The following RELCH variants were observed in gnomAD, a reference collection of about 807,000 sequenced individuals.
RELCH encodes the protein RAB11 binding and LisH domain, coiled-coil and HEAT repeat containing.
A neutral mutation model predicts 150.3 loss-of-function variants in RELCH; 41 were observed. That is an observed-to-expected ratio of 0.27 (90% CI 0.21 to 0.35). RELCH has a LOEUF of 0.35. Ranked by LOEUF, RELCH falls within the 10% of genes least tolerant of loss-of-function variation. The pLI is 1.00. For synonymous variants in RELCH, 478 were observed against 531.8 expected, an observed-to-expected ratio of 0.90 and a Z score of 1.39; for missense variants, 1,092 against 1,467.8, an observed-to-expected ratio of 0.74 and a Z score of 4.18.
At chr18:62,207,068 A>G (rs1024456530) in intron 1 of RELCH, among the ~76,000 whole-genome samples, 21 of 152,136 alleles carry the variant, frequency 1.4e-4, no homozygotes, top group Non-Finnish European at 2.6e-4. Flanking sequence ...AGAATTGTAC[A>G]ACCATTACCT....
chr18:62,229,936 G>C (rs1442633783), intron 8 of RELCH, among the ~76,000 whole-genome samples: 1 of 152,056 alleles, frequency 6.6e-6, no homozygotes, highest in Non-Finnish European at 1.5e-5. Context: ...ATTCATTTTA[G>C]AGGTTGGGAC....
intron 1 of RELCH, among the ~76,000 whole-genome samples, chr18:62,197,346 G>T (rs2039117938): frequency 6.6e-6 from 1 of 152,170 alleles, no homozygotes; most frequent in Non-Finnish European, 1.5e-5. Flanking sequence ...GTTAGAGCTG[G>T]ATCTTCAAAA....
At chr18:62,241,033 T>A (rs537603737) in intron 10 of RELCH, among the ~76,000 whole-genome samples, 7 of 152,238 alleles carry the variant, frequency 4.6e-5, no homozygotes, top group African/African-American at 1.7e-4. Context: ...TGTGCAAAGC[T>A]ATCACCAGAC....
At chr18:62,285,159 G>A (rs1395990506) in intron 25 of RELCH, among the ~76,000 whole-genome samples, 2 of 151,370 alleles carry the variant, frequency 1.3e-5, no homozygotes, top group Non-Finnish European at 2.9e-5. Flanking sequence ...TGTTTCTGAG[G>A]CAGAGTCTTG....
At chr18:62,280,166 C>T (rs2044429361) in intron 23 of RELCH, among the ~76,000 whole-genome samples, 1 of 152,150 alleles carries the variant, frequency 6.6e-6, no homozygotes, top group Non-Finnish European at 1.5e-5. Flanking sequence ...AAGGGATGCT[C>T]TCCTAATCTC....
intron 19 of RELCH, among the ~76,000 whole-genome samples, chr18:62,267,108 C>G (rs1275676128): frequency 6.6e-6 from 1 of 151,814 alleles, no homozygotes; most frequent in Admixed American, 6.6e-5. Flanking sequence ...TTCTATAATA[C>G]TTTTAAAAAT....
chr18:62,305,280 C>T lies in RELCH; in HGVS notation c.3531-134C>T. On this transcript the variant is annotated intron_variant, in intron 28 of 28. Coordinates refer to ENST00000644646, the MANE Select transcript of RELCH (RefSeq NM_001346231.2). The surrounding 1 kb of genome is among the most constrained non-coding windows in gnomAD (Gnocchi z 4.0). Reference sequence around the variant, plus strand: ...CCTAACCTAGTATGGCATATACAAACTACCCTCCATAAATATTAGTTTCCC... The same window carrying T: ...CCTAACCTAGTATGGCATATACAAATTACCCTCCATAAATATTAGTTTCCC... 1 of 682,790 alleles carries T rather than the reference C, an allele frequency of 1.5e-6. No homozygotes were observed. The highest frequency in any genetic ancestry group is 2.3e-6 in the Non-Finnish European group (1 of 432,716). The allele number at this position is 682,790 out of a possible 1,614,324, so 42.3% of individuals were successfully genotyped here. A position where few individuals can be genotyped will look rare whatever the true frequency, so the allele number is the denominator to read the frequency against.
intron 12 of RELCH, among the ~76,000 whole-genome samples, chr18:62,253,249 G>GATGCGTTT (rs113708423): frequency 6.7e-6 from 1 of 149,604 alleles, no homozygotes; most frequent in Non-Finnish European, 1.5e-5. Flanking sequence ...GAGTATACTT[G>GATGCGTTT]AAGAAACAGC....
chr18:62,265,825 A>G (rs2043529312), intron 18 of RELCH, among the ~76,000 whole-genome samples: 1 of 151,978 alleles, frequency 6.6e-6, no homozygotes, highest in Non-Finnish European at 1.5e-5. Flanking sequence ...ACCTTTTAAC[A>G]TTGGCCTTTC....
At position 62,280,627 on chromosome 18, in the gene RELCH, T is replaced by C; in HGVS notation, c.3051-19T>C. The C allele has an allele frequency of 6.3e-7, 1 of 1,593,924 alleles. No homozygotes were observed. Among genetic ancestry groups the C allele is most frequent in the South Asian group, 1.1e-5 (1 of 90,292 alleles). The stretch of plus-strand genomic sequence containing the variant: ...GTTCATCTCAAATCTTCAGTTTCTT[T>C]CTGTTTTAATTCTAACAGCTCTGTC... On this transcript the variant is annotated intron_variant, in intron 23 of 28. Transcript: ENST00000644646.
chr18:62,260,558 A>G (rs1023828231), intron 15 of RELCH, among the ~76,000 whole-genome samples: 1 of 152,000 alleles, frequency 6.6e-6, no homozygotes, highest in Non-Finnish European at 1.5e-5. Context: ...AAAGAAAGGA[A>G]GTCAGTATAT....
In RELCH at chr18:62,258,758, G is replaced by C. The variant is rs550049301; in HGVS notation, c.2202+82G>C. 12 of 945,110 alleles carry C rather than the reference G, an allele frequency of 1.3e-5. No homozygotes were observed. In the African/African-American group the frequency reaches 2.1e-4, roughly 17 times the overall value. The allele number at this position is 945,110 out of a possible 1,614,324, so 58.5% of individuals were successfully genotyped here. On this transcript the variant is annotated intron_variant, in intron 15 of 28. Coordinates refer to ENST00000644646, the MANE Select transcript of RELCH (RefSeq NM_001346231.2). ...CATCTTGGAACAATGTTAGAGAACA[G>C]AGACAGAAAGTGCCCTTAGCTTAAC...
intron 22 of RELCH, among the ~76,000 whole-genome samples, chr18:62,278,219 C>T (rs1287376767): frequency 6.6e-6 from 1 of 152,044 alleles, no homozygotes; most frequent in Non-Finnish European, 1.5e-5. Flanking sequence ...TTGACAGACT[C>T]AAGATAGCAG....
At chr18:62,252,852 A>T (rs2042792959) in intron 12 of RELCH, 98 bp downstream of exon 12, 6 of 818,086 alleles carry the variant, frequency 7.3e-6, no homozygotes, top group Middle Eastern at 2.3e-4. Context: ...AATATGTGGG[A>T]TATAAATTAT....
chr18:62,222,606 C>T (rs1046890020), intron 5 of RELCH, among the ~76,000 whole-genome samples: 6 of 151,804 alleles, frequency 4.0e-5, no homozygotes, highest in African/African-American at 9.7e-5. Flanking sequence ...TAGTCCTTCT[C>T]GAATAAAAAT....
intron 10 of RELCH, chr18:62,234,968 T>G (rs2041805334): frequency 6.6e-6 from 1 of 151,964 alleles, no homozygotes; most frequent in Non-Finnish European, 1.5e-5. Context: ...TTTTGTTGTG[T>G]TGTTTGTGCT....
In RELCH at chr18:62,308,065, G is replaced by T. The variant is rs954740213; in HGVS notation, c.*2531G>T. 6.6e-6 allele frequency: 1 copy of T among 152,104 alleles called. No homozygotes were observed. The highest frequency in any genetic ancestry group is 1.5e-5 in the Non-Finnish European group (1 of 68,026). The allele number at this position is 152,104 out of a possible 1,614,324, so 9.4% of individuals were successfully genotyped here. A position where few individuals can be genotyped will look rare whatever the true frequency, so the allele number is the denominator to read the frequency against. On this transcript the variant is annotated 3_prime_UTR_variant, in exon 29 of 29. Coordinates refer to ENST00000644646, the MANE Select transcript of RELCH (RefSeq NM_001346231.2). ...CTTTTAGGATATGTCACTACTATAG[G>T]ATATGTCACTACTATACACTATAAT... is the stretch of plus-strand genomic sequence containing the variant.
chr18:62,282,465 T>C, intron 25 of RELCH, 21 bp downstream of exon 25: 1 of 1,603,750 alleles, frequency 6.2e-7, no homozygotes, highest in Admixed American at 1.7e-5. Flanking sequence ...TTTTTCTACC[T>C]TTTTCCTGAA....
At chr18:62,207,724 GT>G (rs1313525176) in intron 1 of RELCH, among the ~76,000 whole-genome samples, 1 of 152,110 alleles carries the variant, frequency 6.6e-6, no homozygotes, top group Non-Finnish European at 1.5e-5. Flanking sequence ...CAATTTGGTG[GT>G]TCTCTGTGCA....
Sources: allele counts gnomAD v4.1 joint callset (sites outside exome capture counted in the v4.1 genomes callset), GRCh38; gene constraint gnomAD v4.1.1; non-coding constraint Gnocchi (gnomAD v3.1); transcripts MANE v1.5; gene names NCBI Gene and HGNC (gene_info 2026-07-23, HGNC 2026-07-21).